The following SGCZ variants were observed in gnomAD, a reference collection of about 807,000 sequenced individuals.
SGCZ encodes the protein sarcoglycan zeta, also known as zeta-sarcoglycan.
Under a neutral mutation model 41.3 loss-of-function variants are expected in SGCZ, and 40 were observed. The ratio of observed to expected loss-of-function variants is 0.97; its 90% CI spans 0.75 to 1.26. The LOEUF (loss-of-function observed/expected upper bound fraction) is 1.26. Ranked by LOEUF, SGCZ falls within the 50% of genes most tolerant of loss-of-function variation. SGCZ has a pLI of 0.00. For missense variants in SGCZ, 552 were observed against 369.8 expected (o/e 1.49, Z -4.04); for synonymous variants, 206 against 137.5 (o/e 1.50, Z -3.49).
chr8:14,575,116 A>G (rs1465647937), intron 1 of SGCZ, among the ~76,000 whole-genome samples: 1 of 152,224 alleles, frequency 6.6e-6, no homozygotes, highest in Non-Finnish European at 1.5e-5. Context: ...CAAAATGAAA[A>G]TAAATTTGTG....
chr8:14,249,844 T>A (rs778979061), intron 3 of SGCZ, among the ~76,000 whole-genome samples: 5 of 152,254 alleles, frequency 3.3e-5, no homozygotes, highest in Admixed American at 2.6e-4. Flanking sequence ...CCCCTGAGCC[T>A]CCTTGCAAGA....
intron 4 of SGCZ, among the ~76,000 whole-genome samples, chr8:14,168,069 T>C (rs1281360140): frequency 6.6e-6 from 1 of 152,204 alleles, no homozygotes; most frequent in Non-Finnish European, 1.5e-5. Flanking sequence ...TTCCTCAAAC[T>C]TGTCATGATC....
At chr8:14,774,817 T>C (rs1208644231) in intron 1 of SGCZ, among the ~76,000 whole-genome samples, 1 of 152,194 alleles carries the variant, frequency 6.6e-6, no homozygotes, top group Non-Finnish European at 1.5e-5. Flanking sequence ...TGTTCTCTTA[T>C]TATCCTAGCT....
intron 1 of SGCZ, among the ~76,000 whole-genome samples, chr8:14,978,877 C>A (rs1310429947): frequency 1.3e-5 from 2 of 152,170 alleles, no homozygotes; most frequent in African/African-American, 4.8e-5. Flanking sequence ...CAGCTCACTG[C>A]AACCTCTGCC....
chr8:15,115,065 G>C (rs1807217865), intron 1 of SGCZ, among the ~76,000 whole-genome samples: 1 of 152,080 alleles, frequency 6.6e-6, no homozygotes, highest in Non-Finnish European at 1.5e-5. Context: ...GGCAAGCTTA[G>C]CACCTTGAAA....
At chr8:14,102,105 A>T (rs1251517204) in intron 7 of SGCZ, among the ~76,000 whole-genome samples, 58 of 43,836 alleles carry the variant, frequency 1.3e-3, no homozygotes, top group Admixed American at 6.0e-3. Flanking sequence ...TATATATATA[A>T]TTTTTTTTTT....
intron 1 of SGCZ, among the ~76,000 whole-genome samples, chr8:14,793,988 A>C (rs1397402890): frequency 6.6e-6 from 1 of 152,204 alleles, no homozygotes; most frequent in Non-Finnish European, 1.5e-5. Flanking sequence ...AAAAGAAGAA[A>C]CCAAAAAACT....
At chr8:15,177,963 C>G (rs984343096) in intron 1 of SGCZ, among the ~76,000 whole-genome samples, 4 of 152,172 alleles carry the variant, frequency 2.6e-5, no homozygotes, top group Non-Finnish European at 1.5e-5. Flanking sequence ...AAAGAGAATA[C>G]AACAGAATAA....
intron 3 of SGCZ, among the ~76,000 whole-genome samples, chr8:14,268,455 C>A (rs1488556550): frequency 1.3e-5 from 2 of 151,470 alleles, no homozygotes; most frequent in East Asian, 3.9e-4. Flanking sequence ...CACTGGCATT[C>A]AAATAGTTAA....
intron 1 of SGCZ, among the ~76,000 whole-genome samples, chr8:14,979,767 G>T (rs890335738): frequency 1.4e-4 from 21 of 152,202 alleles, no homozygotes; most frequent in African/African-American, 4.8e-4. Flanking sequence ...ATTAGGATAT[G>T]AATAGACAGT....
rs71209100 is a variant in SGCZ at position 15,024,935 on chromosome 8, CAAATAAATAAAT to C, written c.39+212638_39+212649del. ...TGGGCGACAGAGTGAGACTCCGTCT[CAAATAAATAAAT>C]AAATAAATAAATAAATAAATAAATA... On this transcript the variant is annotated intron_variant, in intron 1 of 7. Coordinates refer to ENST00000382080, the MANE Select transcript of SGCZ (RefSeq NM_139167.4). Among the ~76,000 whole-genome samples the C allele has an allele frequency of 9.1e-5, 13 of 142,714 alleles. No individual in the cohort carries two copies. The South Asian group carries it at 2.5e-3, about 27-fold the overall frequency. 93.6% of individuals were successfully genotyped at this position (142,714 alleles called of 152,430 possible). A position where few individuals can be genotyped will look rare whatever the true frequency, so the allele number is the denominator to read the frequency against.
intron 1 of SGCZ, among the ~76,000 whole-genome samples, chr8:14,802,920 A>C (rs530062789): frequency 6.6e-5 from 10 of 152,190 alleles, no homozygotes; most frequent in Non-Finnish European, 1.5e-4. Context: ...ATTCAGCTAA[A>C]GCAGCAGGAC....
chr8:14,488,982 A>G (rs1298546002), intron 2 of SGCZ, among the ~76,000 whole-genome samples: 1 of 149,476 alleles, frequency 6.7e-6, no homozygotes, highest in African/African-American at 2.4e-5. Flanking sequence ...TTATATATAT[A>G]TAGATATACA....
chr8:14,846,387 T>A (rs946784434), intron 1 of SGCZ, among the ~76,000 whole-genome samples: 3 of 151,292 alleles, frequency 2.0e-5, no homozygotes, highest in African/African-American at 7.3e-5. Flanking sequence ...TTAAAAAAAA[T>A]CAAAAGTTGG....
intron 1 of SGCZ, among the ~76,000 whole-genome samples, chr8:14,607,575 T>G (rs1328171210): frequency 6.6e-6 from 1 of 152,178 alleles, no homozygotes; most frequent in African/African-American, 2.4e-5. Flanking sequence ...CATGCACTCT[T>G]GAATGCTGCC....
chr8:14,654,522 G>T (rs536050790), intron 1 of SGCZ, among the ~76,000 whole-genome samples: 3 of 152,064 alleles, frequency 2.0e-5, no homozygotes. Flanking sequence ...CAATAAATAT[G>T]AGCTTTACTA....
chr8:14,619,222 C>CATCTA (rs1435240861), intron 1 of SGCZ, among the ~76,000 whole-genome samples: 1 of 152,038 alleles, frequency 6.6e-6, no homozygotes, highest in Non-Finnish European at 1.5e-5. Context: ...CAGAAAAGGC[C>CATCTA]TTTGACAAAA....
intron 2 of SGCZ, among the ~76,000 whole-genome samples, chr8:14,412,884 TTGTC>T (rs1451346658): frequency 2.6e-5 from 4 of 151,980 alleles, no homozygotes; most frequent in Non-Finnish European, 5.9e-5. Context: ...TAATAAATAT[TTGTC>T]TGGTATGAAT....
chr8:15,105,045 T>A (rs991579348), intron 1 of SGCZ, among the ~76,000 whole-genome samples: 1 of 152,146 alleles, frequency 6.6e-6, no homozygotes, highest in African/African-American at 2.4e-5. Context: ...GTTAAATGAA[T>A]GTTGTCATTT....
Sources: gnomAD v4.1 joint callset for allele counts (sites outside exome capture counted in the v4.1 genomes callset) on GRCh38, gnomAD v4.1.1 for gene constraint, MANE v1.5 for transcripts, NCBI Gene and HGNC (gene_info 2026-07-23, HGNC 2026-07-21) for gene names.